Variants in NWD2 observed in about 807,000 individuals in gnomAD.
NWD2 encodes NACHT and WD repeat domain-containing protein 2.
In NWD2, 37 loss-of-function variants were observed where a neutral mutation model predicts 132.7. The ratio of observed to expected loss-of-function variants is 0.28; its 90% CI spans 0.21 to 0.37. NWD2 has a LOEUF of 0.37. Ranked by LOEUF, NWD2 falls within the 10% of genes least tolerant of loss-of-function variation. NWD2 has a pLI of 1.00. For synonymous variants in NWD2, 705 were observed against 803.0 expected (o/e 0.88, Z 2.06); for missense variants, 1,592 against 2,122.4 (o/e 0.75, Z 4.91).
intron 1 of NWD2, among the ~76,000 whole-genome samples, chr4:37,252,048 G>C (rs1013909456): frequency 1.3e-5 from 2 of 152,196 alleles, no homozygotes; most frequent in African/African-American, 4.8e-5. Flanking sequence ...ACCAACTCGA[G>C]GTGTGGAGGG....
intron 1 of NWD2, among the ~76,000 whole-genome samples, chr4:37,258,196 C>G (rs1717558843): frequency 6.6e-6 from 1 of 152,274 alleles, no homozygotes; most frequent in South Asian, 2.1e-4. Flanking sequence ...TGAGCAGCCA[C>G]TATTCTCTAG....
At chr4:37,350,943 A>G (rs1577676509) in intron 2 of NWD2, among the ~76,000 whole-genome samples, 1 of 152,230 alleles carries the variant, frequency 6.6e-6, no homozygotes, top group South Asian at 2.1e-4. Flanking sequence ...TGAGATAATC[A>G]TGTGGTTTTT....
At chr4:37,409,406 A>G (rs1042659852) in intron 3 of NWD2, among the ~76,000 whole-genome samples, 1 of 151,872 alleles carries the variant, frequency 6.6e-6, no homozygotes, top group African/African-American at 2.4e-5. Context: ...AAGAAAGGAT[A>G]TCAGAGATTG....
At chr4:37,274,057 G>C (rs188198562) in intron 1 of NWD2, among the ~76,000 whole-genome samples, 45 of 151,698 alleles carry the variant, frequency 3.0e-4, no homozygotes, top group African/African-American at 1.1e-3. Flanking sequence ...AAAAGCTAGC[G>C]GAAGGCAAGA....
intron 1 of NWD2, among the ~76,000 whole-genome samples, chr4:37,321,527 C>T (rs544833272): frequency 1.3e-4 from 19 of 151,562 alleles, no homozygotes; most frequent in African/African-American, 3.4e-4. Context: ...CAAATAGTTG[C>T]GATGACTATG....
At chr4:37,262,361 T>A (rs1717656676) in intron 1 of NWD2, among the ~76,000 whole-genome samples, 2 of 152,228 alleles carry the variant, frequency 1.3e-5, no homozygotes, top group Non-Finnish European at 2.9e-5. Flanking sequence ...ACCAACAGTA[T>A]ACAGCTTCTG....
At chr4:37,252,936 G>A (rs1173477392) in intron 1 of NWD2, among the ~76,000 whole-genome samples, 1 of 152,122 alleles carries the variant, frequency 6.6e-6, no homozygotes, top group Non-Finnish European at 1.5e-5. Flanking sequence ...TTATTAATGT[G>A]AGAAGAAGTA....
At position 37,371,072 on chromosome 4, in the gene NWD2, C is replaced by CTTTTTT. The variant is rs1309185055; in HGVS notation, c.357+14595_357+14596insTTTTTT. The stretch of plus-strand genomic sequence containing the variant: ...TGCCAAAGAAGTTCAATTTTTTTTT[C>CTTTTTT]TTTTTCTTTTTTTTTTTTTTTTTGA... On this transcript the variant is annotated intron_variant, in intron 3 of 6. Coordinates refer to ENST00000309447, the MANE Select transcript of NWD2 (RefSeq NM_001144990.2). Among the ~76,000 whole-genome samples, 19 of 100,522 alleles carry CTTTTTT rather than the reference C, an allele frequency of 1.9e-4. 1 individual carries two copies. Among genetic ancestry groups the CTTTTTT allele is most frequent in the East Asian group, 3.9e-4 (1 of 2,564 alleles). The allele number at this position is 100,522 out of a possible 152,430, so 65.9% of individuals were successfully genotyped here.
intron 2 of NWD2, among the ~76,000 whole-genome samples, chr4:37,346,818 T>C (rs1180613910): frequency 6.6e-6 from 1 of 152,150 alleles, no homozygotes; most frequent in African/African-American, 2.4e-5. Context: ...AATTGTTTCT[T>C]TCTGATGCTC....
chr4:37,346,192 G>A (rs543174978), intron 2 of NWD2, among the ~76,000 whole-genome samples: 108 of 151,852 alleles, frequency 7.1e-4, no homozygotes, highest in African/African-American at 2.5e-3. Flanking sequence ...AATTTTACAC[G>A]GTGTGAGGTA....
chr4:37,449,459 A>G lies in NWD2; in HGVS notation c.*2242A>G, dbSNP rs144826726. ...TATTTGTATGAATAAAAGATAAACT[A>G]CTTAGATTGGCGTGCTGTTTTTCTC... is the stretch of plus-strand genomic sequence containing the variant. On this transcript the variant is annotated 3_prime_UTR_variant, in exon 7 of 7. Coordinates refer to ENST00000309447, the MANE Select transcript of NWD2 (RefSeq NM_001144990.2). 5.8e-4 allele frequency: 88 copies of G among 152,308 alleles called. No homozygotes were observed. Among genetic ancestry groups the G allele is most frequent in the African/African-American group, 2.0e-3 (82 of 41,560 alleles). The allele number at this position is 152,308 out of a possible 1,614,324, so 9.4% of individuals were successfully genotyped here. A position where few individuals can be genotyped will look rare whatever the true frequency, so the allele number is the denominator to read the frequency against.
At chr4:37,334,562 G>A (rs1311731984) in intron 2 of NWD2, among the ~76,000 whole-genome samples, 2 of 152,076 alleles carry the variant, frequency 1.3e-5, no homozygotes, top group Admixed American at 6.5e-5. Context: ...CATCTTTTCC[G>A]ATTTCTAAAT....
At chr4:37,308,783 T>C (rs1230063990) in intron 1 of NWD2, among the ~76,000 whole-genome samples, 3 of 150,518 alleles carry the variant, frequency 2.0e-5, no homozygotes, top group Non-Finnish European at 4.4e-5. Flanking sequence ...GACACTGGAG[T>C]AGGCAAAGTC....
intron 1 of NWD2, among the ~76,000 whole-genome samples, chr4:37,249,588 A>C (rs1313890297): frequency 2.6e-5 from 4 of 152,174 alleles, no homozygotes; most frequent in Non-Finnish European, 4.4e-5. Flanking sequence ...TTTCCTTCCA[A>C]CTGCAGCCAT....
intron 2 of NWD2, among the ~76,000 whole-genome samples, chr4:37,348,267 G>A (rs980476140): frequency 9.9e-5 from 15 of 152,212 alleles, no homozygotes; most frequent in African/African-American, 3.1e-4. Context: ...TAACAAGTTC[G>A]TTAACATTCA....
Position 37,445,400 on chromosome 4 carries a change from T to C in NWD2, c.3412T>C (p.Ser1138Pro). Residue 1138 changes from serine to proline, a missense_variant, in exon 7 of 7, where the codon TCA (serine) becomes CCA (proline). This residue lies in a region of NWD2 where 1,071 missense variants were observed against 1,398.0 expected (regional missense o/e 0.77). Transcript: ENST00000309447. This position sits in a 1 kb window ranked among gnomAD's most constrained non-coding sequence, Gnocchi z 4.7. ...GSGEKLCTVT[S>P]EFSGGFVKFL... ...TGGAGAAAAGTTATGTACAGTGACA[T>C]CAGAATTTTCAGGTGGATTTGTGAA... The C allele has an allele frequency of 6.4e-7, 1 of 1,552,066 alleles. No individual in the cohort carries two copies. Among genetic ancestry groups the C allele is most frequent in the South Asian group, 1.2e-5 (1 of 84,062 alleles).
chr4:37,417,639 A>G (rs1711660198), intron 3 of NWD2, among the ~76,000 whole-genome samples: 1 of 152,212 alleles, frequency 6.6e-6, no homozygotes, highest in Non-Finnish European at 1.5e-5. Flanking sequence ...GGAACTGTAA[A>G]TAAATACAGT....
chr4:37,245,316 C>T (rs988696841), intron 1 of NWD2, 98 bp downstream of exon 1: 2 of 1,331,450 alleles, frequency 1.5e-6, no homozygotes, highest in East Asian at 5.3e-5. Flanking sequence ...GTGCGCCCTG[C>T]GCTCCCTTCC....
At chr4:37,364,795 G>A (rs1285409008) in intron 3 of NWD2, among the ~76,000 whole-genome samples, 1 of 151,964 alleles carries the variant, frequency 6.6e-6, no homozygotes, top group African/African-American at 2.4e-5. Context: ...GGCAGCTCCT[G>A]GCAGTGGACC....
Sources: gnomAD v4.1 joint callset for allele counts (sites outside exome capture counted in the v4.1 genomes callset) on GRCh38, gnomAD v4.1.1 for gene constraint, gnomAD v4.1.1 regional missense constraint, Gnocchi (gnomAD v3.1) non-coding constraint, MANE v1.5 for transcripts, NCBI Gene and HGNC (gene_info 2026-07-23, HGNC 2026-07-21) for gene names.